Variants in CDKAL1 observed in about 807,000 individuals in gnomAD.
CDKAL1 encodes the protein CDKAL1 threonylcarbamoyladenosine tRNA methylthiotransferase.
A neutral mutation model predicts 68.2 loss-of-function variants in CDKAL1; 32 were observed. The observed-to-expected ratio is 0.47, with a 90% CI of 0.35 to 0.63. The LOEUF (loss-of-function observed/expected upper bound fraction) is 0.63, where lower values mean the gene tolerates loss of function less well. Ranked by LOEUF, CDKAL1 falls within the 30% of genes least tolerant of loss-of-function variation. The pLI is 0.00. For missense variants in CDKAL1, 606 were observed against 696.7 expected, an observed-to-expected ratio of 0.87 and a Z score of 1.47; for synonymous variants, 234 against 244.3, an observed-to-expected ratio of 0.96 and a Z score of 0.39.
At chr6:20,735,846 T>C (rs929188660) in intron 5 of CDKAL1, among the ~76,000 whole-genome samples, 1 of 152,226 alleles carries the variant, frequency 6.6e-6, no homozygotes, top group Non-Finnish European at 1.5e-5. Context: ...TCATTGGTTC[T>C]TTGTTTTCAC....
intron 12 of CDKAL1, among the ~76,000 whole-genome samples, chr6:21,067,441 A>G (rs1285173285): frequency 6.6e-6 from 1 of 152,074 alleles, no homozygotes; most frequent in Non-Finnish European, 1.5e-5. Flanking sequence ...TATATATCAC[A>G]GTTTATTCAT....
At chr6:21,227,084 T>G (rs1156360538) in intron 15 of CDKAL1, among the ~76,000 whole-genome samples, 2 of 152,270 alleles carry the variant, frequency 1.3e-5, no homozygotes, top group Non-Finnish European at 2.9e-5. Flanking sequence ...TGTATTGAAT[T>G]TCAGGAATTG....
intron 11 of CDKAL1, among the ~76,000 whole-genome samples, chr6:21,031,204 C>T (rs4710962): frequency 0.27 from 41,352 of 150,524 alleles, 6,286 homozygotes; most frequent in Middle Eastern, 0.37. Flanking sequence ...TTCCTGCTAG[C>T]TGCTGGCTGG....
intron 8 of CDKAL1, among the ~76,000 whole-genome samples, chr6:20,796,345 G>A (rs969313847): frequency 6.6e-6 from 1 of 151,966 alleles, no homozygotes. Flanking sequence ...AGAAATCAAA[G>A]AAGATCTAAA....
At chr6:20,970,505 T>C (rs767257264) in intron 10 of CDKAL1, among the ~76,000 whole-genome samples, 1 of 152,176 alleles carries the variant, frequency 6.6e-6, no homozygotes, top group Non-Finnish European at 1.5e-5. Flanking sequence ...CAATAAAAAT[T>C]TATGCCTGAA....
intron 12 of CDKAL1, among the ~76,000 whole-genome samples, chr6:21,105,413 A>G (rs925273670): frequency 6.6e-6 from 1 of 152,332 alleles, no homozygotes; most frequent in East Asian, 1.9e-4. Context: ...TGGGTGTCAG[A>G]AGGTAGCAAC....
intron 13 of CDKAL1, among the ~76,000 whole-genome samples, chr6:21,150,416 G>A (rs7752788): frequency 0.34 from 50,958 of 151,946 alleles, 8,834 homozygotes; most frequent in African/African-American, 0.42. Flanking sequence ...TTTAGTGCAG[G>A]GCCGTGTTCT....
rs1056591027 is a variant in CDKAL1, at chr6:21,103,934, C to T, written c.1237-4467C>T. 6.6e-5 allele frequency among the ~76,000 whole-genome samples: 10 copies of T among 152,294 alleles called. No homozygotes were observed. The South Asian group carries it at 8.3e-4, about 13-fold the overall frequency. On this transcript the variant is annotated intron_variant, in intron 12 of 15. Coordinates refer to ENST00000274695, the MANE Select transcript of CDKAL1 (RefSeq NM_017774.3). ...TTATTCCATTTTTGGCTCAGCTTTT[C>T]GTTTCAGTTAAAACTGTTGATAGCA...
intron 4 of CDKAL1, among the ~76,000 whole-genome samples, chr6:20,603,854 G>T (rs988179686): frequency 5.3e-5 from 7 of 133,238 alleles, no homozygotes; most frequent in Non-Finnish European, 9.1e-5. Flanking sequence ...CCGGCTCACT[G>T]CAACCTCCAC....
chr6:20,970,295 A>C (rs1292232761), intron 10 of CDKAL1, among the ~76,000 whole-genome samples: 1 of 152,194 alleles, frequency 6.6e-6, no homozygotes, highest in Non-Finnish European at 1.5e-5. Context: ...AGGTGAGATT[A>C]GGATAGGCCA....
intron 13 of CDKAL1, among the ~76,000 whole-genome samples, chr6:21,151,814 A>G (rs1776421986): frequency 6.6e-6 from 1 of 152,180 alleles, no homozygotes; most frequent in African/African-American, 2.4e-5. Context: ...AGTTTTTGAT[A>G]AAAGTATTGA....
chr6:20,983,314 T>TA (rs999909652), intron 10 of CDKAL1, among the ~76,000 whole-genome samples: 24 of 152,296 alleles, frequency 1.6e-4, no homozygotes, highest in African/African-American at 5.5e-4. Context: ...GAGACTTTTT[T>TA]AAAAAACCCA....
At chr6:21,066,824 C>T (rs1771470297) in intron 12 of CDKAL1, among the ~76,000 whole-genome samples, 1 of 152,050 alleles carries the variant, frequency 6.6e-6, no homozygotes, top group South Asian at 2.1e-4. Flanking sequence ...CAGGGTCCTA[C>T]TATGTGGCCC....
intron 9 of CDKAL1, among the ~76,000 whole-genome samples, chr6:20,952,245 A>G (rs754707399): frequency 3.3e-5 from 5 of 152,166 alleles, no homozygotes; most frequent in Non-Finnish European, 7.3e-5. Flanking sequence ...AGCATGAGCC[A>G]CTGCGCCCGC....
At chr6:21,226,897 A>G (rs184703387) in intron 15 of CDKAL1, among the ~76,000 whole-genome samples, 13 of 152,316 alleles carry the variant, frequency 8.5e-5, no homozygotes, top group Admixed American at 8.5e-4. Flanking sequence ...TATTTTTAAT[A>G]GAGACGGGGT....
intron 10 of CDKAL1, among the ~76,000 whole-genome samples, chr6:20,979,711 C>T (rs1214858508): frequency 1.3e-5 from 2 of 151,400 alleles, no homozygotes; most frequent in Non-Finnish European, 2.9e-5. Flanking sequence ...CTTTTGTTTG[C>T]TGTTACCTCA....
chr6:21,200,641 A>G (rs1472245226), intron 14 of CDKAL1, among the ~76,000 whole-genome samples: 2 of 152,254 alleles, frequency 1.3e-5, no homozygotes, highest in African/African-American at 4.8e-5. Context: ...CAAGATATCA[A>G]AGGCCTGTCC....
At chr6:20,665,955 C>G (rs1769522281) in intron 5 of CDKAL1, among the ~76,000 whole-genome samples, 1 of 151,928 alleles carries the variant, frequency 6.6e-6, no homozygotes, top group Non-Finnish European at 1.5e-5. Context: ...TTGCACCCCC[C>G]CAATTAGTAT....
At chr6:21,075,832 TTTGCTTTTTAGAAAATATTGA>T (rs1772040946) in intron 12 of CDKAL1, among the ~76,000 whole-genome samples, 1 of 152,200 alleles carries the variant, frequency 6.6e-6, no homozygotes. Flanking sequence ...AATTCCAGAC[TTTGCTTTTTAGAAAATATTGA>T]TGATGAATAA....
Sources: gnomAD v4.1 joint callset for allele counts (sites outside exome capture counted in the v4.1 genomes callset) on GRCh38, gnomAD v4.1.1 for gene constraint, MANE v1.5 for transcripts, NCBI Gene and HGNC (gene_info 2026-07-23, HGNC 2026-07-21) for gene names.